The following HNF4G variants were observed in gnomAD, a reference collection of about 807,000 sequenced individuals.
The protein encoded by HNF4G is hepatocyte nuclear factor 4-gamma.
Under a neutral mutation model 50.9 loss-of-function variants are expected in HNF4G, and 21 were observed. That is an observed-to-expected ratio of 0.41 (90% CI 0.29 to 0.59). The LOEUF (loss-of-function observed/expected upper bound fraction) is 0.59, where lower values mean the gene tolerates loss of function less well. Ranked by LOEUF, HNF4G falls within the 20% of genes least tolerant of loss-of-function variation. The pLI is 0.26. For missense variants in HNF4G, 527 were observed against 559.4 expected (o/e 0.94, Z 0.58); for synonymous variants, 198 against 185.6 (o/e 1.07, Z -0.54).
chr8:75,553,012 A>C, intron 4 of HNF4G, 30 bp from the exon 5 acceptor site: 1 of 1,516,452 alleles, frequency 6.6e-7, no homozygotes, highest in Non-Finnish European at 9.0e-7. Flanking sequence ...ATTATTTTAA[A>C]TGATAATATA....
chr8:75,480,844 G>A (rs1442502444), intron 1 of HNF4G, among the ~76,000 whole-genome samples: 4 of 151,030 alleles, frequency 2.6e-5, no homozygotes, highest in Non-Finnish European at 5.9e-5. Flanking sequence ...CCGAGTAACC[G>A]GGACTACATG....
chr8:75,529,416 G>C (rs1411651871), intron 2 of HNF4G, among the ~76,000 whole-genome samples: 2 of 152,044 alleles, frequency 1.3e-5, no homozygotes, highest in African/African-American at 4.8e-5. Flanking sequence ...ATGAGATTTG[G>C]GTGGAGACCC....
chr8:75,503,020 C>T (rs901563680), intron 2 of HNF4G, among the ~76,000 whole-genome samples: 10 of 152,100 alleles, frequency 6.6e-5, no homozygotes, highest in African/African-American at 2.4e-4. Context: ...TTTTTCTGGA[C>T]AGATACATAG....
chr8:75,525,037 A>G (rs1208118381), intron 2 of HNF4G, among the ~76,000 whole-genome samples: 1 of 152,170 alleles, frequency 6.6e-6, no homozygotes, highest in East Asian at 1.9e-4. Flanking sequence ...CATTCTTCCT[A>G]AAGCCCCAGT....
chr8:75,488,305 A>G (rs1261126755), intron 1 of HNF4G, among the ~76,000 whole-genome samples: 1 of 152,080 alleles, frequency 6.6e-6, no homozygotes, highest in Non-Finnish European at 1.5e-5. Flanking sequence ...ATGGAGTCTC[A>G]CTGTGTTGCC....
At chr8:75,553,804 C>A (rs1257711658) in intron 5 of HNF4G, among the ~76,000 whole-genome samples, 1 of 152,008 alleles carries the variant, frequency 6.6e-6, no homozygotes, top group Non-Finnish European at 1.5e-5. Context: ...ATTTACACAA[C>A]AAAAGATAGA....
At chr8:75,424,043 G>A (rs1445825717) in intron 1 of HNF4G, among the ~76,000 whole-genome samples, 1 of 151,384 alleles carries the variant, frequency 6.6e-6, no homozygotes, top group Non-Finnish European at 1.5e-5. Context: ...GGATGGTCTT[G>A]ATCTCTTGAC....
Position 75,553,079 on chromosome 8 carries a change from A to G in HNF4G, c.527A>G (p.Asn176Ser), listed in dbSNP as rs946354741. Residue 176 changes from asparagine to serine, a missense_variant, in exon 5 of 10, where the codon AAC becomes AGC. Physicochemically the swap from Asn to Ser is conservative, Grantham distance 46. This residue lies in a region of HNF4G where 128 missense variants were observed against 135.3 expected (regional missense o/e 0.95). Coordinates refer to ENST00000396423, the MANE Select transcript of HNF4G (RefSeq NM_004133.5). ...AGCCCTGGGTCAAGCACTGACATAA[A>G]CGTTAAGAAAATTGCAAGTATTGGT... ...VSSPGSSTDI[N>S]VKKIASIGDV... 2 of 1,612,472 alleles carry G rather than the reference A, an allele frequency of 1.2e-6. No individual in the cohort carries two copies. The highest frequency in any genetic ancestry group is 1.3e-5 in the African/African-American group (1 of 74,828).
At chr8:75,490,296 G>A (rs193160040) in intron 2 of HNF4G, 42 of 152,368 alleles carry the variant, frequency 2.8e-4, no homozygotes, top group Admixed American at 2.4e-3. Flanking sequence ...CTTCTTGTCT[G>A]ACTTGCTTGT....
intron 1 of HNF4G, among the ~76,000 whole-genome samples, chr8:75,467,255 C>T (rs1383751820): frequency 6.6e-6 from 1 of 152,152 alleles, no homozygotes; most frequent in Non-Finnish European, 1.5e-5. Flanking sequence ...ATGTGCTAAA[C>T]ATTTTAGCAA....
intron 1 of HNF4G, among the ~76,000 whole-genome samples, chr8:75,456,378 C>T (rs570188073): frequency 4.7e-4 from 72 of 152,100 alleles, no homozygotes; most frequent in Non-Finnish European, 9.7e-4. Context: ...ATAGTATAAG[C>T]ATTTGCTGAT....
chr8:75,524,842 C>T (rs910877931), intron 2 of HNF4G, among the ~76,000 whole-genome samples: 4 of 151,958 alleles, frequency 2.6e-5, no homozygotes, highest in Non-Finnish European at 4.4e-5. Flanking sequence ...TATAAGTGTG[C>T]GTATATAGTA....
At position 75,553,185 on chromosome 8, in the gene HNF4G, A is replaced by T. The variant is rs1474105853; in HGVS notation, c.633A>T (p.Pro211=). Residue 211 remains proline, a synonymous_variant, in exon 5 of 10, where the codon CCA becomes CCT. Transcript: ENST00000396423. ...ATATTCCTGCCTTCTGTGAATTACC[A>T]TTGGATGATCAGGTACACATTTAAA... is the stretch of plus-strand genomic sequence containing the variant. ...AKYIPAFCEL[P]LDDQVALLRA... is the part of the protein sequence containing the mutation. 4 of 1,612,286 alleles carry T rather than the reference A, an allele frequency of 2.5e-6. No individual in the cohort carries two copies. The South Asian group carries it at 3.3e-5, about 13-fold the overall frequency.
intron 2 of HNF4G, among the ~76,000 whole-genome samples, chr8:75,523,045 T>C (rs1563539758): frequency 6.6e-6 from 1 of 151,830 alleles, no homozygotes; most frequent in Non-Finnish European, 1.5e-5. Flanking sequence ...GCCAAATTGG[T>C]GAATCCCATC....
chr8:75,427,393 C>A (rs1032235469), intron 1 of HNF4G, among the ~76,000 whole-genome samples: 9 of 152,022 alleles, frequency 5.9e-5, no homozygotes, highest in African/African-American at 2.2e-4. Context: ...GCTTGGCCAA[C>A]ATGGTGAAAC....
chr8:75,412,671 C>A (rs1810528198), intron 1 of HNF4G, among the ~76,000 whole-genome samples: 1 of 151,748 alleles, frequency 6.6e-6, no homozygotes, highest in Non-Finnish European at 1.5e-5. Context: ...CTGTCTTGTG[C>A]TTTGCTTATG....
intron 2 of HNF4G, among the ~76,000 whole-genome samples, chr8:75,512,697 C>T (rs917074423): frequency 6.6e-6 from 1 of 151,980 alleles, no homozygotes; most frequent in African/African-American, 2.4e-5. Context: ...ATATCCTGAC[C>T]TCGAGATCCG....
At chr8:75,515,368 G>A (rs533656012) in intron 2 of HNF4G, among the ~76,000 whole-genome samples, 25 of 152,096 alleles carry the variant, frequency 1.6e-4, no homozygotes, top group African/African-American at 5.5e-4. Context: ...AATTAGGCAC[G>A]ATTCTCCAGA....
chr8:75,515,609 T>A (rs1805866681), intron 2 of HNF4G, among the ~76,000 whole-genome samples: 1 of 151,952 alleles, frequency 6.6e-6, no homozygotes, highest in Non-Finnish European at 1.5e-5. Context: ...CTGTTTGGAG[T>A]CAAAGGGCCA....
Sources: allele counts gnomAD v4.1 joint callset (sites outside exome capture counted in the v4.1 genomes callset), GRCh38; gene constraint gnomAD v4.1.1; regional missense constraint gnomAD v4.1.1; transcripts MANE v1.5; gene names NCBI Gene and HGNC (gene_info 2026-07-23, HGNC 2026-07-21).